TXNL4A: variants seen among roughly 807,000 people sequenced by gnomAD.
The protein encoded by TXNL4A is thioredoxin-like protein 4A.
A neutral mutation model predicts 14.6 loss-of-function variants in TXNL4A; 17 were observed. That is an observed-to-expected ratio of 1.16 (90% CI 0.80 to 1.74). The LOEUF is 1.74. TXNL4A is among the 40% of genes most tolerant of loss of function. TXNL4A has a pLI of 0.00. For synonymous variants in TXNL4A, 83 were observed against 70.6 expected (o/e 1.18, Z -0.88); for missense variants, 74 against 195.2 (o/e 0.38, Z 3.70).
intron 1 of TXNL4A, among the ~76,000 whole-genome samples, chr18:80,021,861 A>T (rs1041311475): frequency 5.3e-5 from 8 of 152,204 alleles, no homozygotes; most frequent in African/African-American, 1.9e-4. Context: ...GGACCAGTAT[A>T]ACAGTTGTAG....
chr18:79,988,974 TG>T (rs1371034954), upstream of TXNL4A, among the ~76,000 whole-genome samples: 1 of 152,174 alleles, frequency 6.6e-6, no homozygotes, highest in Non-Finnish European at 1.5e-5. Flanking sequence ...TTGTGAAACT[TG>T]ATCATAAAAA....
At chr18:80,033,647 C>G (rs2051941885) in intron 1 of TXNL4A, among the ~76,000 whole-genome samples, 1 of 152,260 alleles carries the variant, frequency 6.6e-6, no homozygotes, top group Admixed American at 6.5e-5. Flanking sequence ...GCGGCGCACC[C>G]GCCTACGTCA....
chr18:79,972,915 A>G lies in TXNL4A; in HGVS notation c.*770T>C, dbSNP rs1000548025. The G allele has an allele frequency of 6.6e-6, 1 of 152,242 alleles. No individual in the cohort carries two copies. The highest frequency in any genetic ancestry group is 6.5e-5 in the Admixed American group (1 of 15,288). The allele number at this position is 152,242 out of a possible 1,614,324, so 9.4% of individuals were successfully genotyped here. A position where few individuals can be genotyped will look rare whatever the true frequency, so the allele number is the denominator to read the frequency against. Reference sequence around the variant, plus strand: ...CAATATTTTATTGTACTGTTTTTATAACCAGAGTAAACCTTTGGATTCTGT... The same window carrying G: ...CAATATTTTATTGTACTGTTTTTATGACCAGAGTAAACCTTTGGATTCTGT... On this transcript the variant is annotated 3_prime_UTR_variant, in exon 3 of 3. Coordinates refer to ENST00000269601, the MANE Select transcript of TXNL4A (RefSeq NM_006701.5).
intron 1 of TXNL4A, among the ~76,000 whole-genome samples, chr18:79,985,369 C>T (rs577638180): frequency 1.3e-5 from 2 of 152,256 alleles, no homozygotes; most frequent in South Asian, 2.1e-4. Context: ...CCTCCCACCT[C>T]GGCCTACCAA....
chr18:80,017,285 A>G lies in TXNL4A; in HGVS notation c.-61+16566T>C, dbSNP rs577517544. Among the ~76,000 whole-genome samples, 720 of 152,290 alleles carry G rather than the reference A, an allele frequency of 4.7e-3. 1 individual carries two copies. Among genetic ancestry groups the G allele is most frequent in the Non-Finnish European group, 7.5e-3 (510 of 68,028 alleles). On this transcript the variant is annotated intron_variant, in intron 1 of 2. Coordinates refer to the TXNL4A transcript ENST00000585474. ...GGGCTGAGACGATGGGGTTTTCTAG[A>G]TATACAATCATGTCATCTGCAAACA...
intron 1 of TXNL4A, among the ~76,000 whole-genome samples, chr18:80,001,410 G>C (rs553811413): frequency 5.9e-5 from 9 of 152,244 alleles, no homozygotes; most frequent in Non-Finnish European, 1.3e-4. Context: ...CCTCACTAGG[G>C]CACTGCCTAG....
Position 79,977,178 on chromosome 18 carries a change from C to G in TXNL4A, c.257+420G>C, listed in dbSNP as rs7242758. On this transcript the variant is annotated intron_variant, in intron 2 of 2. Transcript: ENST00000269601. ...TTCACCATCTTAGCCCAGCTGGTCT[C>G]GAACTCCTGACCTTGTGATCCACCC... is the stretch of plus-strand genomic sequence containing the variant. Among the ~76,000 whole-genome samples the G allele has an allele frequency of 6.0e-3, 915 of 152,152 alleles. 15 individuals carry two copies. Among genetic ancestry groups the G allele is most frequent in the African/African-American group, 0.02 (849 of 41,492 alleles).
Position 79,988,548 on chromosome 18 carries a change from A to C in TXNL4A, c.-156T>G, listed in dbSNP as rs1396950368. 1 of 750,456 alleles carries C rather than the reference A, an allele frequency of 1.3e-6. No individual in the cohort carries two copies. Among genetic ancestry groups the C allele is most frequent in the East Asian group, 3.7e-5 (1 of 27,156 alleles). 46.5% of individuals were successfully genotyped at this position (750,456 alleles called of 1,614,324 possible). A position where few individuals can be genotyped will look rare whatever the true frequency, so the allele number is the denominator to read the frequency against. On this transcript the variant is annotated 5_prime_UTR_variant, in exon 1 of 3. Coordinates refer to ENST00000269601, the MANE Select transcript of TXNL4A (RefSeq NM_006701.5). ...ACACGCAAACTCCGCTGGGACTGCC[A>C]CCCGGCAGAACGTCTGGGCGCGCAC...
chr18:79,982,939 A>G lies in TXNL4A; in HGVS notation c.154-5238T>C, dbSNP rs2051486417. Among the ~76,000 whole-genome samples the G allele has an allele frequency of 6.6e-6, 1 of 152,014 alleles. No individual in the cohort carries two copies. On this transcript the variant is annotated intron_variant, in intron 1 of 2. Coordinates refer to ENST00000269601, the MANE Select transcript of TXNL4A (RefSeq NM_006701.5). The surrounding 1 kb of genome is among the most constrained non-coding windows in gnomAD (Gnocchi z 4.0). The stretch of plus-strand genomic sequence containing the variant: ...ACGGTAACCAAGCGCTTGGAGGAGG[A>G]GCTGGGTGAGTGCAGCCACACTGCT...
chr18:80,023,454 T>C (rs143901296), intron 1 of TXNL4A, among the ~76,000 whole-genome samples: 193 of 152,318 alleles, frequency 1.3e-3, no homozygotes, highest in African/African-American at 4.4e-3. Flanking sequence ...CTCCAAATTC[T>C]TTCCAGGCAA....
At chr18:79,977,488 G>A in intron 2 of TXNL4A, 110 bp downstream of exon 2, 1 of 896,598 alleles carries the variant, frequency 1.1e-6, no homozygotes, top group Non-Finnish European at 1.8e-6. Context: ...TTTGGGACAT[G>A]ACTGTACAAC....
chr18:79,997,223 G>A (rs2051668728), intron 1 of TXNL4A, among the ~76,000 whole-genome samples: 1 of 151,784 alleles, frequency 6.6e-6, no homozygotes, highest in Non-Finnish European at 1.5e-5. Context: ...TTCCATAAAG[G>A]TAGAGATAAA....
intron 2 of TXNL4A, 108 bp from the exon 3 acceptor site, chr18:79,973,964 A>G: frequency 1.4e-6 from 2 of 1,466,888 alleles, no homozygotes; most frequent in South Asian, 1.3e-5. Flanking sequence ...TGTTAACATC[A>G]CTGAAGAACG....
intron 1 of TXNL4A, among the ~76,000 whole-genome samples, chr18:80,030,945 C>A (rs557077476): frequency 1.4e-4 from 21 of 152,160 alleles, no homozygotes; most frequent in Non-Finnish European, 2.6e-4. Context: ...CCAGCCTGGG[C>A]GATGGAGTGA....
At chr18:80,009,128 C>G (rs2051752634) in intron 1 of TXNL4A, among the ~76,000 whole-genome samples, 1 of 152,202 alleles carries the variant, frequency 6.6e-6, no homozygotes, top group Non-Finnish European at 1.5e-5. Context: ...TAAAGGAAGA[C>G]AATCCTGTAT....
rs751271804 is a variant in TXNL4A at position 80,022,619 on chromosome 18, TG to T, written c.-61+11231del. On this transcript the variant is annotated intron_variant, in intron 1 of 2. Transcript: ENST00000585474. Reference sequence around the variant, plus strand: ...AGTCGTAGGGTTAAAGGAGTTCCAGTGATTTAGAATGCACTCAAGGGAAGTA... The same window carrying T: ...AGTCGTAGGGTTAAAGGAGTTCCAGTATTTAGAATGCACTCAAGGGAAGTA... 3.9e-5 allele frequency among the ~76,000 whole-genome samples: 6 copies of T among 152,286 alleles called. No homozygotes were observed. The East Asian group carries it at 1.2e-3, about 29-fold the overall frequency.
intron 1 of TXNL4A, among the ~76,000 whole-genome samples, chr18:80,024,305 G>T (rs2051870048): frequency 6.6e-6 from 1 of 152,184 alleles, no homozygotes; most frequent in African/African-American, 2.4e-5. Context: ...CTATCACTAG[G>T]TAAGAAACTG....
intron 1 of TXNL4A, among the ~76,000 whole-genome samples, chr18:80,021,635 C>G (rs753878861): frequency 1.6e-4 from 24 of 152,194 alleles, no homozygotes; most frequent in Non-Finnish European, 2.9e-4. Flanking sequence ...TGGATTGGAA[C>G]TATAGCTTTA....
At chr18:79,985,604 T>C (rs2051535335) in intron 1 of TXNL4A, among the ~76,000 whole-genome samples, 1 of 152,228 alleles carries the variant, frequency 6.6e-6, no homozygotes, top group African/African-American at 2.4e-5. Flanking sequence ...CCCACATTTA[T>C]TAGCAAACTC....
Sources: allele counts gnomAD v4.1 joint callset (sites outside exome capture counted in the v4.1 genomes callset), GRCh38; gene constraint gnomAD v4.1.1; non-coding constraint Gnocchi (gnomAD v3.1); transcripts MANE v1.5; gene names NCBI Gene and HGNC (gene_info 2026-07-23, HGNC 2026-07-21).